KCND2: variants seen among roughly 807,000 people sequenced by gnomAD.
KCND2 encodes the protein potassium voltage-gated channel subfamily D member 2.
A neutral mutation model predicts 54.4 loss-of-function variants in KCND2; 16 were observed. The ratio of observed to expected loss-of-function variants is 0.29; its 90% CI spans 0.20 to 0.45. The LOEUF is 0.45. Among genes scored for constraint, KCND2 ranks in the 20% least tolerant of loss-of-function variants. KCND2 has a pLI of 1.00. For synonymous variants in KCND2, 317 were observed against 310.7 expected, an observed-to-expected ratio of 1.02 and a Z score of -0.21; for missense variants, 486 against 824.2, an observed-to-expected ratio of 0.59 and a Z score of 5.02.
At chr7:120,461,512 C>T (rs1274614960) in intron 1 of KCND2, among the ~76,000 whole-genome samples, 1 of 152,126 alleles carries the variant, frequency 6.6e-6, no homozygotes, top group Admixed American at 6.5e-5. Context: ...GACTACATGG[C>T]TCTGTTTATG....
At chr7:120,690,706 A>G (rs1045423942) in intron 1 of KCND2, among the ~76,000 whole-genome samples, 3 of 152,208 alleles carry the variant, frequency 2.0e-5, no homozygotes, top group Non-Finnish European at 4.4e-5. Flanking sequence ...GATCATATTG[A>G]TAAATATTTA....
intron 1 of KCND2, among the ~76,000 whole-genome samples, chr7:120,560,278 A>G (rs964416786): frequency 2.0e-5 from 3 of 152,202 alleles, no homozygotes; most frequent in African/African-American, 4.8e-5. Flanking sequence ...CTGTATATTA[A>G]TCAGCAGAAG....
intron 1 of KCND2, among the ~76,000 whole-genome samples, chr7:120,671,317 CT>C (rs1338815405): frequency 1.3e-5 from 2 of 152,004 alleles, no homozygotes; most frequent in Non-Finnish European, 2.9e-5. Flanking sequence ...CTGTGAGAAT[CT>C]AATGCTGTTT....
intron 1 of KCND2, among the ~76,000 whole-genome samples, chr7:120,585,003 C>T (rs1792574561): frequency 6.6e-6 from 1 of 152,090 alleles, no homozygotes; most frequent in Non-Finnish European, 1.5e-5. Context: ...GATGATCATT[C>T]TCTCTTTGGG....
chr7:120,693,559 AAGAG>A (rs1792297877), intron 1 of KCND2, among the ~76,000 whole-genome samples: 1 of 152,212 alleles, frequency 6.6e-6, no homozygotes, highest in African/African-American at 2.4e-5. Flanking sequence ...GATAAAAAGA[AAGAG>A]AGATGAAGTG....
At chr7:120,613,463 G>A (rs1311706444) in intron 1 of KCND2, among the ~76,000 whole-genome samples, 9 of 152,192 alleles carry the variant, frequency 5.9e-5, no homozygotes, top group Non-Finnish European at 1.2e-4. Context: ...CCCAAGAGGC[G>A]GGGGTTGCTG....
intron 1 of KCND2, among the ~76,000 whole-genome samples, chr7:120,438,640 T>C (rs541260071): frequency 1.3e-5 from 2 of 152,232 alleles, no homozygotes; most frequent in East Asian, 3.9e-4. Flanking sequence ...TAAAACCATA[T>C]GATGTACATT....
At chr7:120,521,367 A>G (rs1326191759) in intron 1 of KCND2, among the ~76,000 whole-genome samples, 1 of 152,086 alleles carries the variant, frequency 6.6e-6, no homozygotes, top group East Asian at 1.9e-4. Context: ...TTTTTCAAGT[A>G]TGCCTCTCAT....
At chr7:120,726,010 G>T (rs1052809042) in intron 1 of KCND2, among the ~76,000 whole-genome samples, 1 of 152,174 alleles carries the variant, frequency 6.6e-6, no homozygotes, top group African/African-American at 2.4e-5. Flanking sequence ...GATTATTAAT[G>T]CTGTGAATAG....
chr7:120,602,263 C>T (rs1036067754), intron 1 of KCND2, among the ~76,000 whole-genome samples: 2 of 152,192 alleles, frequency 1.3e-5, no homozygotes, highest in Admixed American at 6.5e-5. Flanking sequence ...TCTCAGTGAT[C>T]ATCAGAGTGT....
At position 120,401,984 on chromosome 7, in the gene KCND2, C is replaced by T. The variant is rs1217478737; in HGVS notation, c.1115+126237C>T. 3.3e-5 allele frequency among the ~76,000 whole-genome samples: 5 copies of T among 151,920 alleles called. No homozygotes were observed. The East Asian group carries it at 7.7e-4, about 23-fold the overall frequency. On this transcript the variant is annotated intron_variant, in intron 1 of 5. Coordinates refer to ENST00000331113, the MANE Select transcript of KCND2 (RefSeq NM_012281.3). ...AATTTCTAAAAACAAAATTAGGGCC[C>T]GATGGCTCAATATTTCTGAATAAGT...
At chr7:120,539,911 A>C (rs974493532) in intron 1 of KCND2, among the ~76,000 whole-genome samples, 20 of 152,194 alleles carry the variant, frequency 1.3e-4, no homozygotes, top group Non-Finnish European at 1.8e-4. Flanking sequence ...TACAATAACT[A>C]GGTATCCCAG....
intron 1 of KCND2, among the ~76,000 whole-genome samples, chr7:120,657,128 C>G (rs935112256): frequency 2.0e-5 from 3 of 151,982 alleles, no homozygotes; most frequent in Non-Finnish European, 2.9e-5. Flanking sequence ...CAGCTATAGC[C>G]GTGTGTCAAG....
At chr7:120,284,094 G>A (rs552547488) in intron 1 of KCND2, among the ~76,000 whole-genome samples, 1 of 152,188 alleles carries the variant, frequency 6.6e-6, no homozygotes, top group East Asian at 1.9e-4. Flanking sequence ...CAAAAAAAGG[G>A]TATGCTTTCC....
intron 1 of KCND2, among the ~76,000 whole-genome samples, chr7:120,703,024 T>C (rs1792422818): frequency 6.6e-6 from 1 of 152,200 alleles, no homozygotes; most frequent in African/African-American, 2.4e-5. Flanking sequence ...AATTTCAATA[T>C]GTTACTGGAA....
chr7:120,595,589 GTGTA>G (rs1045124277), intron 1 of KCND2, among the ~76,000 whole-genome samples: 2 of 40,432 alleles, frequency 4.9e-5, no homozygotes, highest in African/African-American at 1.3e-4. Context: ...ATGTGTGTGT[GTGTA>G]TATATATATA....
chr7:120,573,120 G>A (rs1489545330), intron 1 of KCND2, among the ~76,000 whole-genome samples: 1 of 152,000 alleles, frequency 6.6e-6, no homozygotes, highest in Non-Finnish European at 1.5e-5. Flanking sequence ...TACAATTCTC[G>A]AAATTCTACC....
chr7:120,640,996 G>C (rs556881698), intron 1 of KCND2, among the ~76,000 whole-genome samples: 2 of 152,302 alleles, frequency 1.3e-5, no homozygotes, highest in East Asian at 3.9e-4. Flanking sequence ...ATTGAAGACT[G>C]TGTTGATGAT....
intron 1 of KCND2, among the ~76,000 whole-genome samples, chr7:120,522,388 T>C (rs560769606): frequency 6.6e-6 from 1 of 152,280 alleles, no homozygotes; most frequent in South Asian, 2.1e-4. Context: ...GAGTGAATGA[T>C]TTAATCTCCT....
Sources: allele counts gnomAD v4.1 joint callset (sites outside exome capture counted in the v4.1 genomes callset), GRCh38; gene constraint gnomAD v4.1.1; transcripts MANE v1.5; gene names NCBI Gene and HGNC (gene_info 2026-07-23, HGNC 2026-07-21).